Variants in LAMA1 observed in about 807,000 individuals in gnomAD.
LAMA1 encodes the protein laminin subunit alpha-1.
LAMA1 carries 219 observed loss-of-function variants against 348.7 expected under a neutral mutation model. The ratio of observed to expected loss-of-function variants is 0.63; its 90% CI spans 0.56 to 0.70. LAMA1 has a LOEUF of 0.70. Among genes scored for constraint, LAMA1 ranks in the 30% least tolerant of loss-of-function variants. The pLI is 0.00. For synonymous variants in LAMA1, 1,487 were observed against 1,491.0 expected, an observed-to-expected ratio of 1.00 and a Z score of 0.06; for missense variants, 3,744 against 3,888.0, an observed-to-expected ratio of 0.96 and a Z score of 0.99.
chr18:7,056,874 A>T (rs1023593687), intron 3 of LAMA1, among the ~76,000 whole-genome samples: 4 of 144,406 alleles, frequency 2.8e-5, no homozygotes, highest in African/African-American at 1.0e-4. Context: ...AACGCTTTGA[A>T]TTTTTTTTTT....
At chr18:7,015,588 G>GTTTTTTTT in intron 22 of LAMA1, 134 bp downstream of exon 22, 1 of 917,366 alleles carries the variant, frequency 1.1e-6, no homozygotes, top group Non-Finnish European at 1.6e-6. Flanking sequence ...CCCACATTGA[G>GTTTTTTTT]TTTTTTTTTT....
In LAMA1 at chr18:7,037,663, T is replaced by A; in HGVS notation, c.1652A>T (p.Gln551Leu). ...GACCGCGGTGTTGTTGATGCTGACC[T>A]GATGGCGCCCGCCTAGTGCATCTTG... ...SQQDALGGRH[Q>L]VSINNTAVMQ... The change falls in exon 12 of 63, where the codon CAG (glutamine) becomes CTG (leucine). Residue 551 changes from glutamine (Q) to leucine (L), a missense_variant. By Grantham distance (113) the Gln-to-Leu change is moderately radical. Around this residue, in one of 3 missense-constraint regions of LAMA1, gnomAD observed 1,529 missense variants for 1,689.4 expected, o/e 0.91. Coordinates refer to ENST00000389658, the MANE Select transcript of LAMA1 (RefSeq NM_005559.4). 6.2e-7 allele frequency: 1 copy of A among 1,614,190 alleles called. No individual in the cohort carries two copies. Among genetic ancestry groups the A allele is most frequent in the Non-Finnish European group, 8.5e-7 (1 of 1,180,034 alleles).
intron 3 of LAMA1, among the ~76,000 whole-genome samples, chr18:7,057,778 C>T (rs563839203): frequency 6.7e-6 from 1 of 149,650 alleles, no homozygotes; most frequent in East Asian, 2.0e-4. Context: ...CGCATCCAGC[C>T]CAAAATTCTT....
rs544116466 is a variant in LAMA1 at position 6,977,744 on chromosome 18, G to A, written c.6328C>T (p.Arg2110Cys). 5.6e-6 allele frequency: 9 copies of A among 1,614,058 alleles called. No individual in the cohort carries two copies. Among genetic ancestry groups the A allele is most frequent in the African/African-American group, 2.7e-5 (2 of 75,018 alleles). Residue 2110 changes from arginine (R) to cysteine (C), a missense_variant, in exon 44 of 63, where the codon CGC (arginine) becomes TGC (cysteine). Around this residue, in one of 3 missense-constraint regions of LAMA1, gnomAD observed 1,983 missense variants for 1,934.3 expected, o/e 1.03. Transcript: ENST00000389658. ...SEIKLLISQA[R>C]KQAASIKVAV... ...AAACTCACAGAAGCTGCTTGTTTGC[G>A]GGCCTGGCTGATCAACAGTTTAATT...
chr18:7,086,567 TA>T (rs917163510), intron 1 of LAMA1, among the ~76,000 whole-genome samples: 5 of 152,148 alleles, frequency 3.3e-5, no homozygotes, highest in Admixed American at 6.6e-5. Flanking sequence ...ATCATGAATT[TA>T]CTGACCTGTC....
At position 7,036,008 on chromosome 18, in the gene LAMA1, C is replaced by A. The variant is rs552854758; in HGVS notation, c.1818G>T (p.Ser606=). 8.7e-6 allele frequency: 14 copies of A among 1,613,768 alleles called. No individual in the cohort carries two copies. Among genetic ancestry groups the A allele is most frequent in the Admixed American group, 3.3e-5 (2 of 60,008 alleles). Residue 606 remains serine, a synonymous_variant, in exon 13 of 63, where the codon TCG becomes TCT. Coordinates refer to ENST00000389658, the MANE Select transcript of LAMA1 (RefSeq NM_005559.4). Reference sequence around the variant, plus strand: ...TCACCTTAATGATGACGTCAGCATGCGACATGAGGTTACTGTCTACCGTCT... The same window carrying A: ...TCACCTTAATGATGACGTCAGCATGAGACATGAGGTTACTGTCTACCGTCT... ...PVETVDSNLM[S]HADVIIKGNG... is the part of the protein sequence containing the mutation.
intron 19 of LAMA1, among the ~76,000 whole-genome samples, chr18:7,018,876 G>A (rs572887673): frequency 1.2e-4 from 18 of 152,158 alleles, no homozygotes; most frequent in Non-Finnish European, 2.2e-4. Flanking sequence ...CAGAGGAAAC[G>A]TGCTGGGATC....
At position 7,076,444 on chromosome 18, in the gene LAMA1, T is replaced by C. The variant is rs188294416; in HGVS notation, c.345+3531A>G. Among the ~76,000 whole-genome samples the C allele has an allele frequency of 1.3e-4, 20 of 152,252 alleles. 1 individual carries two copies. In the South Asian group the frequency reaches 4.2e-3, roughly 32 times the overall value. On this transcript the variant is annotated intron_variant, in intron 3 of 62. Transcript: ENST00000389658. ...TCTAATCAGGTCTCTAGAGCTGAAT[T>C]TGGTGTATAGGAAATAGAGAGCACA...
intron 16 of LAMA1, among the ~76,000 whole-genome samples, chr18:7,028,114 T>C (rs1297656199): frequency 3.3e-5 from 5 of 152,130 alleles, no homozygotes; most frequent in Admixed American, 2.0e-4. Context: ...TTCGACATTG[T>C]AGGAGAAAAG....
chr18:6,985,803 G>C (rs1009396409), intron 37 of LAMA1, among the ~76,000 whole-genome samples, 160 bp from the exon 38 acceptor site: 2 of 152,178 alleles, frequency 1.3e-5, no homozygotes, highest in Non-Finnish European at 2.9e-5. Flanking sequence ...TCTGTTGCCA[G>C]GCTGGAGTGC....
chr18:6,985,393 T>C lies in LAMA1; in HGVS notation c.5504A>G (p.Glu1835Gly), dbSNP rs1221754723. Reference sequence around the variant, plus strand: ...TAAAAGTAGCTTATCCTGGTGATCCTCTAAGTGCTACATGGAGAAATTAAT... The same window carrying C: ...TAAAAGTAGCTTATCCTGGTGATCCCCTAAGTGCTACATGGAGAAATTAAT... Reference protein sequence around the residue: ...DAVQDALEHLEDHQDKLLLWS... With the variant: ...DAVQDALEHLGDHQDKLLLWS... The change falls in exon 39 of 63, where the codon GAG (glutamate) becomes GGG (glycine). Residue 1835 changes from glutamate (E) to glycine (G), a missense_variant. Physicochemically the swap from Glu to Gly is moderately conservative, Grantham distance 98. Transcript: ENST00000389658. The C allele has an allele frequency of 1.2e-6, 2 of 1,614,238 alleles. No individual in the cohort carries two copies. Among genetic ancestry groups the C allele is most frequent in the Non-Finnish European group, 1.7e-6 (2 of 1,180,038 alleles).
chr18:7,065,106 G>T (rs1384466093), intron 3 of LAMA1, among the ~76,000 whole-genome samples: 1 of 151,872 alleles, frequency 6.6e-6, no homozygotes, highest in Non-Finnish European at 1.5e-5. Context: ...AGTGGCACGT[G>T]CCTGTAGTCC....
intron 3 of LAMA1, among the ~76,000 whole-genome samples, chr18:7,073,447 T>A (rs997966137): frequency 6.6e-6 from 1 of 152,164 alleles, no homozygotes; most frequent in Non-Finnish European, 1.5e-5. Flanking sequence ...ACCACCCCGC[T>A]CCACTTTCTG....
At chr18:6,944,604 A>G (rs2057514207) in intron 61 of LAMA1, among the ~76,000 whole-genome samples, 1 of 152,170 alleles carries the variant, frequency 6.6e-6, no homozygotes, top group Non-Finnish European at 1.5e-5. Flanking sequence ...AGAGATTAGG[A>G]CACAGACATG....
intron 3 of LAMA1, among the ~76,000 whole-genome samples, chr18:7,057,458 TTTC>T (rs1391636411): frequency 3.7e-5 from 5 of 135,558 alleles, no homozygotes; most frequent in African/African-American, 1.5e-4. Flanking sequence ...CTTTCTTTCT[TTTC>T]TTTTCTTTTC....
chr18:7,106,219 A>C (rs2143828062), intron 1 of LAMA1, among the ~76,000 whole-genome samples: 1 of 152,284 alleles, frequency 6.6e-6, no homozygotes, highest in South Asian at 2.1e-4. Flanking sequence ...CAATGCCCCA[A>C]CTTGCACCCT....
intron 1 of LAMA1, among the ~76,000 whole-genome samples, chr18:7,108,938 G>A (rs2058325113): frequency 6.6e-6 from 1 of 152,084 alleles, no homozygotes; most frequent in African/African-American, 2.4e-5. Flanking sequence ...ACAGGACACA[G>A]CAGCAAGGAC....
At chr18:7,005,985 A>G (rs2057830187) in intron 29 of LAMA1, among the ~76,000 whole-genome samples, 2 of 152,076 alleles carry the variant, frequency 1.3e-5, no homozygotes, top group Non-Finnish European at 2.9e-5. Context: ...ATTGGGCCAC[A>G]CCCAGGATCT....
chr18:7,008,301 C>G (rs2057842487), intron 28 of LAMA1, among the ~76,000 whole-genome samples, 187 bp downstream of exon 28: 1 of 151,802 alleles, frequency 6.6e-6, no homozygotes, highest in Admixed American at 6.6e-5. Flanking sequence ...TAAACTGTAC[C>G]CTGAAGAATG....
Sources: gnomAD v4.1 joint callset for allele counts (sites outside exome capture counted in the v4.1 genomes callset) on GRCh38, gnomAD v4.1.1 for gene constraint, gnomAD v4.1.1 regional missense constraint, MANE v1.5 for transcripts, NCBI Gene and HGNC (gene_info 2026-07-23, HGNC 2026-07-21) for gene names.